The following AQR variants were observed in gnomAD, a reference collection of about 807,000 sequenced individuals.
The protein encoded by AQR is aquarius intron-binding spliceosomal factor.
A neutral mutation model predicts 180.5 loss-of-function variants in AQR; 61 were observed. That is an observed-to-expected ratio of 0.34 (90% CI 0.28 to 0.42). The LOEUF is 0.42. AQR is among the 10% of genes least tolerant of loss of function. The pLI is 1.00. For missense variants in AQR, 1,281 were observed against 1,798.3 expected (o/e 0.71, Z 5.20); for synonymous variants, 551 against 588.8 (o/e 0.94, Z 0.93).
At chr15:34,886,756 AGAG>A in intron 24 of AQR, 95 bp from the exon 25 acceptor site, 1 of 1,294,366 alleles carries the variant, frequency 7.7e-7, no homozygotes, top group Admixed American at 2.5e-5. Context: ...ATAGCAAAGA[AGAG>A]GAAAAAAAAC....
At chr15:34,928,363 C>A (rs1893796742) in intron 12 of AQR, among the ~76,000 whole-genome samples, 1 of 152,160 alleles carries the variant, frequency 6.6e-6, no homozygotes, top group Non-Finnish European at 1.5e-5. Flanking sequence ...CCATCCCCGA[C>A]AGGTACTGGT....
rs891208030 is a variant in AQR, at chr15:34,954,311, CT to C, written c.174-1392del. ...ATAACTAGACAAGTGAAAAATAAGT[CT>C]TTTTTTTTTTCTGAGGCAGAGCTTG... is the stretch of plus-strand genomic sequence containing the variant. On this transcript the variant is annotated intron_variant, in intron 3 of 34. Coordinates refer to ENST00000156471, the MANE Select transcript of AQR (RefSeq NM_014691.3). Among the ~76,000 whole-genome samples, 733 of 147,276 alleles carry C rather than the reference CT, an allele frequency of 5.0e-3. 1 individual carries two copies. Among genetic ancestry groups the C allele is most frequent in the African/African-American group, 0.012 (479 of 40,398 alleles).
chr15:34,967,405 C>T (rs4923845), intron 1 of AQR, among the ~76,000 whole-genome samples: 93,057 of 152,030 alleles, frequency 0.61, 30,753 homozygotes, highest in South Asian at 0.75. Flanking sequence ...GAAACTATAC[C>T]GTTCATCTGT....
chr15:34,904,019 A>T (rs1893374208), intron 19 of AQR, among the ~76,000 whole-genome samples: 3 of 152,102 alleles, frequency 2.0e-5, no homozygotes, highest in Admixed American at 1.3e-4. Flanking sequence ...TCTTCACTTC[A>T]TAATAGGGCA....
chr15:34,904,396 C>T lies in AQR; in HGVS notation c.1941G>A (p.Glu647=). 6.8e-6 allele frequency: 11 copies of T among 1,609,530 alleles called. No individual in the cohort carries two copies. The highest frequency in any genetic ancestry group is 9.3e-6 in the Non-Finnish European group (11 of 1,177,554). Residue 647 remains glutamate, a synonymous_variant, in exon 19 of 35, where the codon GAG becomes GAA. Transcript: ENST00000156471. ...DMTNTIQNGA[E]DVYETFNIIM... is the part of the protein sequence containing the mutation. The stretch of plus-strand genomic sequence containing the variant: ...TTATATTAAAAGTTTCATACACATC[C>T]TCTGCTCCATTTTGTATAGTATTGG...
At position 34,916,793 on chromosome 15, in the gene AQR, C is replaced by T. The variant is rs147163279; in HGVS notation, c.1342+1465G>A. ...GCAAGAAAAATAAAGAACAGAGGAA[C>T]ATGCTGCAATATACCATGAGTATTC... On this transcript the variant is annotated intron_variant, in intron 15 of 34. Coordinates refer to ENST00000156471, the MANE Select transcript of AQR (RefSeq NM_014691.3). 2.3e-3 allele frequency among the ~76,000 whole-genome samples: 338 copies of T among 146,366 alleles called. 1 individual carries two copies. The highest frequency in any genetic ancestry group is 8.3e-3 in the African/African-American group (329 of 39,578).
chr15:34,875,429 A>G (rs1295968493), intron 28 of AQR, among the ~76,000 whole-genome samples: 2 of 152,182 alleles, frequency 1.3e-5, no homozygotes, highest in South Asian at 4.1e-4. Flanking sequence ...ATTTATCTGC[A>G]TATTAGAGTG....
chr15:34,942,893 T>C (rs565268194), intron 6 of AQR, among the ~76,000 whole-genome samples: 3 of 152,316 alleles, frequency 2.0e-5, no homozygotes, highest in African/African-American at 7.2e-5. Context: ...TTTTAAAAGA[T>C]AAAGCATTTC....
At chr15:34,897,755 G>A (rs377054327) in intron 20 of AQR, 50 bp from the exon 21 acceptor site, 50 of 1,591,290 alleles carry the variant, frequency 3.1e-5, no homozygotes, top group Admixed American at 8.4e-5. Flanking sequence ...AGGATTTACT[G>A]AGTACCTATC....
At chr15:34,879,512 C>T (rs1892938437) in intron 27 of AQR, among the ~76,000 whole-genome samples, 1 of 152,178 alleles carries the variant, frequency 6.6e-6, no homozygotes, top group South Asian at 2.1e-4. Flanking sequence ...AATCCACCCC[C>T]TGTATATTTT....
At chr15:34,940,682 C>A (rs1202980689) in intron 8 of AQR, among the ~76,000 whole-genome samples, 1 of 152,106 alleles carries the variant, frequency 6.6e-6, no homozygotes, top group East Asian at 1.9e-4. Flanking sequence ...TACTTAGCAG[C>A]ACAGAAAGAA....
chr15:34,871,371 G>A (rs4586382), intron 30 of AQR, among the ~76,000 whole-genome samples: 4,295 of 152,060 alleles, frequency 0.028, 201 homozygotes, highest in African/African-American at 0.094. Context: ...GCTGGGCATG[G>A]TGGTGCATGC....
intron 8 of AQR, among the ~76,000 whole-genome samples, chr15:34,939,026 C>A (rs1050102513): frequency 6.6e-6 from 1 of 152,114 alleles, no homozygotes; most frequent in African/African-American, 2.4e-5. Flanking sequence ...AATAAGCCAC[C>A]TAAGCAAGCA....
chr15:34,906,190 G>C (rs1893413061), intron 18 of AQR, among the ~76,000 whole-genome samples: 1 of 152,088 alleles, frequency 6.6e-6, no homozygotes. Context: ...GACCAGCCTG[G>C]GCAACATGGG....
At chr15:34,884,014 A>C (rs1893015666) in intron 26 of AQR, among the ~76,000 whole-genome samples, 1 of 152,192 alleles carries the variant, frequency 6.6e-6, no homozygotes, top group Non-Finnish European at 1.5e-5. Context: ...TTCTTGACGG[A>C]AGCATTCCTT....
intron 13 of AQR, among the ~76,000 whole-genome samples, chr15:34,922,508 C>T (rs1893697685): frequency 6.6e-6 from 1 of 152,056 alleles, no homozygotes; most frequent in Non-Finnish European, 1.5e-5. Context: ...TCCAATTGCT[C>T]CACATCCTTG....
chr15:34,951,931 GTGT>G (rs1386043833), intron 4 of AQR, among the ~76,000 whole-genome samples: 3 of 152,142 alleles, frequency 2.0e-5, no homozygotes, highest in African/African-American at 4.8e-5. Flanking sequence ...GATCTTACTG[GTGT>G]TGTTGTCAGG....
intron 13 of AQR, among the ~76,000 whole-genome samples, chr15:34,921,125 A>T (rs1367350228): frequency 2.0e-5 from 3 of 152,172 alleles, no homozygotes; most frequent in African/African-American, 7.2e-5. Flanking sequence ...TTTTGCACAC[A>T]ACTTTTACTT....
chr15:34,906,725 A>G lies in AQR; in HGVS notation c.1664-13T>C. The G allele has an allele frequency of 6.2e-7, 1 of 1,600,106 alleles. No individual in the cohort carries two copies. Among genetic ancestry groups the G allele is most frequent in the Non-Finnish European group, 8.5e-7 (1 of 1,173,428 alleles). ...TGCTTACGAAGACCTGGTAAGATAT[A>G]AAGACATTTTCATTTATTAGAATTT... On this transcript the variant is annotated splice_polypyrimidine_tract_variant and intron_variant, in intron 17 of 34. Coordinates refer to ENST00000156471, the MANE Select transcript of AQR (RefSeq NM_014691.3).
Sources: gnomAD v4.1 joint callset for allele counts (sites outside exome capture counted in the v4.1 genomes callset) on GRCh38, gnomAD v4.1.1 for gene constraint, MANE v1.5 for transcripts, NCBI Gene and HGNC (gene_info 2026-07-23, HGNC 2026-07-21) for gene names.